Variants in FOXN3 observed in about 807,000 individuals in gnomAD.
FOXN3 encodes forkhead box protein N3.
Under a neutral mutation model 38.4 loss-of-function variants are expected in FOXN3, and 7 were observed. The ratio of observed to expected loss-of-function variants is 0.18; its 90% CI spans 0.10 to 0.34. The LOEUF is 0.34. Ranked by LOEUF, FOXN3 falls within the 10% of genes least tolerant of loss-of-function variation. The probability of loss-of-function intolerance (pLI) is 1.00; values close to 1 mark genes in which losing one functional copy is unlikely to be tolerated. For missense variants in FOXN3, 456 were observed against 613.4 expected (o/e 0.74, Z 2.71); for synonymous variants, 230 against 242.2 (o/e 0.95, Z 0.47).
intron 2 of FOXN3, among the ~76,000 whole-genome samples, chr14:89,383,673 T>TCCTC (rs1555422958): frequency 6.6e-5 from 10 of 152,040 alleles, no homozygotes; most frequent in African/African-American, 2.4e-4. Flanking sequence ...TCTGTTTCCT[T>TCCTC]TCCTCTCCTC....
chr14:89,442,075 C>T (rs1463741942), intron 1 of FOXN3, among the ~76,000 whole-genome samples: 1 of 151,988 alleles, frequency 6.6e-6, no homozygotes, highest in African/African-American at 2.4e-5. Flanking sequence ...TACAGGCATG[C>T]GCCACCACGC....
At chr14:89,448,535 C>T (rs1042576552) in intron 1 of FOXN3, among the ~76,000 whole-genome samples, 4 of 152,136 alleles carry the variant, frequency 2.6e-5, no homozygotes, top group African/African-American at 7.2e-5. Flanking sequence ...ACTGCTTCTC[C>T]CTCTCTCCTC....
intron 3 of FOXN3, among the ~76,000 whole-genome samples, chr14:89,288,695 T>C (rs1191694138): frequency 9.4e-6 from 1 of 105,978 alleles, no homozygotes; most frequent in Non-Finnish European, 1.7e-5. Context: ...TCTCTCTCTC[T>C]CTCTCTCTCT....
chr14:89,611,114 G>T (rs1338268167), intron 1 of FOXN3, among the ~76,000 whole-genome samples: 1 of 152,170 alleles, frequency 6.6e-6, no homozygotes, highest in Non-Finnish European at 1.5e-5. Flanking sequence ...CTACACTCTT[G>T]CAAGAGCAGA....
At chr14:89,338,128 G>A (rs1389370629) in intron 3 of FOXN3, among the ~76,000 whole-genome samples, 1 of 152,150 alleles carries the variant, frequency 6.6e-6, no homozygotes, top group East Asian at 1.9e-4. Flanking sequence ...AGATGGGGAA[G>A]TAGATGGAAG....
chr14:89,333,921 C>G (rs1054565032), intron 3 of FOXN3, among the ~76,000 whole-genome samples: 1 of 144,136 alleles, frequency 6.9e-6, no homozygotes, highest in African/African-American at 2.6e-5. Context: ...ATGGAAACAA[C>G]CAAAGTGTCC....
At chr14:89,438,891 G>A (rs1044438451) in intron 1 of FOXN3, among the ~76,000 whole-genome samples, 5 of 152,002 alleles carry the variant, frequency 3.3e-5, no homozygotes, top group African/African-American at 7.2e-5. Context: ...AGCTTGAGTA[G>A]CTGGGATTAC....
At chr14:89,566,176 T>C (rs1895346234) in intron 1 of FOXN3, among the ~76,000 whole-genome samples, 2 of 152,218 alleles carry the variant, frequency 1.3e-5, no homozygotes, top group Non-Finnish European at 1.5e-5. Flanking sequence ...ACCTCACCCA[T>C]ACACACTGTA....
intron 1 of FOXN3, among the ~76,000 whole-genome samples, chr14:89,597,087 T>C (rs967193477): frequency 6.6e-6 from 1 of 152,194 alleles, no homozygotes; most frequent in Non-Finnish European, 1.5e-5. Flanking sequence ...TTTTCTAATA[T>C]ATGCAAATAT....
intron 4 of FOXN3, among the ~76,000 whole-genome samples, chr14:89,201,470 C>T (rs1367189680): frequency 6.6e-6 from 1 of 152,200 alleles, no homozygotes; most frequent in Non-Finnish European, 1.5e-5. Context: ...GCCTCAGGTG[C>T]AAGAAGGCTT....
At chr14:89,504,919 A>C (rs1893879812) in intron 1 of FOXN3, among the ~76,000 whole-genome samples, 1 of 152,204 alleles carries the variant, frequency 6.6e-6, no homozygotes, top group South Asian at 2.1e-4. Flanking sequence ...AGGAACTTCT[A>C]AACCAGACAT....
chr14:89,608,104 G>T (rs530844402), intron 1 of FOXN3, among the ~76,000 whole-genome samples: 1 of 152,018 alleles, frequency 6.6e-6, no homozygotes, highest in African/African-American at 2.4e-5. Flanking sequence ...TCAGCCTCCC[G>T]AGTACCTGGG....
In FOXN3 at chr14:89,444,290, C is replaced by T. The variant is rs529683843; in HGVS notation, c.-14-31800G>A. 5.5e-4 allele frequency among the ~76,000 whole-genome samples: 82 copies of T among 148,986 alleles called. 1 individual carries two copies. The highest frequency in any genetic ancestry group is 1.7e-3 in the African/African-American group (68 of 40,878). ...GGAACATTCTTTTGATGGGCGGGGG[C>T]GGTGGGGAAGAAACCAATTCTTTAT... On this transcript the variant is annotated intron_variant, in intron 1 of 6. Transcript: ENST00000345097.
chr14:89,440,947 A>C (rs66662065), intron 1 of FOXN3, among the ~76,000 whole-genome samples: 1 of 151,986 alleles, frequency 6.6e-6, no homozygotes, highest in Non-Finnish European at 1.5e-5. Context: ...CAAGGCAGAC[A>C]TGATGGCAAT....
intron 1 of FOXN3, among the ~76,000 whole-genome samples, chr14:89,448,785 A>G (rs985049471): frequency 2.0e-5 from 3 of 151,792 alleles, no homozygotes; most frequent in Non-Finnish European, 2.9e-5. Context: ...AAAAAAAAAT[A>G]CAAAAACTAG....
intron 1 of FOXN3, among the ~76,000 whole-genome samples, chr14:89,610,454 G>T (rs542481824): frequency 3.8e-4 from 58 of 152,318 alleles, no homozygotes; most frequent in African/African-American, 1.3e-3. Context: ...GATAACTCAC[G>T]ACTGGCTGCC....
chr14:89,291,340 A>G, intron 3 of FOXN3: 1 of 559,480 alleles, frequency 1.8e-6, no homozygotes, highest in Non-Finnish European at 3.5e-6. Context: ...ATGAGATGCC[A>G]TCAGAAGGAA....
chr14:89,281,688 T>C (rs1366033700), intron 3 of FOXN3, among the ~76,000 whole-genome samples: 1 of 152,188 alleles, frequency 6.6e-6, no homozygotes, highest in Non-Finnish European at 1.5e-5. Context: ...TAGATGAGCA[T>C]TTTCACTGTT....
chr14:89,234,332 G>A (rs1283209979), intron 4 of FOXN3, among the ~76,000 whole-genome samples: 1 of 152,180 alleles, frequency 6.6e-6, no homozygotes, highest in Non-Finnish European at 1.5e-5. Flanking sequence ...GAAGCCTGCA[G>A]AGGAGACTCC....
Sources: gnomAD v4.1 joint callset for allele counts (sites outside exome capture counted in the v4.1 genomes callset) on GRCh38, gnomAD v4.1.1 for gene constraint, MANE v1.5 for transcripts, NCBI Gene and HGNC (gene_info 2026-07-23, HGNC 2026-07-21) for gene names.